The following SCLT1 variants were observed in gnomAD, a reference collection of about 807,000 sequenced individuals.
The protein encoded by SCLT1 is sodium channel-associated protein 1.
In SCLT1, 78 loss-of-function variants were observed where a neutral mutation model predicts 112.8. The ratio of observed to expected loss-of-function variants is 0.69; its 90% CI spans 0.58 to 0.83. The LOEUF (loss-of-function observed/expected upper bound fraction) is 0.83. Among genes scored for constraint, SCLT1 ranks in the 40% least tolerant of loss-of-function variants. SCLT1 has a pLI of 0.00. For synonymous variants in SCLT1, 257 were observed against 254.7 expected (o/e 1.01, Z -0.09); for missense variants, 747 against 770.4 (o/e 0.97, Z 0.36).
chr4:128,974,561 C>G (rs945246835), intron 9 of SCLT1, among the ~76,000 whole-genome samples: 26 of 152,066 alleles, frequency 1.7e-4, no homozygotes, highest in African/African-American at 6.0e-4. Flanking sequence ...GTGTTCTGGA[C>G]GCTAGATGCT....
intron 18 of SCLT1, among the ~76,000 whole-genome samples, chr4:128,910,232 T>C (rs957904275): frequency 6.6e-6 from 1 of 152,256 alleles, no homozygotes; most frequent in African/African-American, 2.4e-5. Context: ...CTATACTGTA[T>C]GACAACTCCT....
intron 9 of SCLT1, among the ~76,000 whole-genome samples, chr4:128,989,073 A>G (rs1742342589): frequency 6.6e-6 from 1 of 151,952 alleles, no homozygotes; most frequent in Non-Finnish European, 1.5e-5. Context: ...CAGATAATCT[A>G]CATAGAATAC....
intron 18 of SCLT1, among the ~76,000 whole-genome samples, chr4:128,912,002 T>C (rs1056266607): frequency 1.3e-5 from 2 of 152,162 alleles, no homozygotes; most frequent in Non-Finnish European, 2.9e-5. Context: ...TACATCACAA[T>C]AATGCACACA....
chr4:129,017,831 A>C (rs897766954), intron 5 of SCLT1, among the ~76,000 whole-genome samples: 1 of 152,240 alleles, frequency 6.6e-6, no homozygotes, highest in African/African-American at 2.4e-5. Context: ...TCTCTGCATA[A>C]CTTCTTTTCT....
intron 5 of SCLT1, among the ~76,000 whole-genome samples, chr4:129,035,905 T>C (rs1436927910): frequency 1.3e-5 from 2 of 151,900 alleles, no homozygotes; most frequent in Non-Finnish European, 2.9e-5. Flanking sequence ...TTATTTCCTA[T>C]TGTAGTAAAT....
intron 10 of SCLT1, among the ~76,000 whole-genome samples, chr4:128,967,203 C>G (rs1416292105): frequency 2.6e-5 from 4 of 152,186 alleles, no homozygotes; most frequent in African/African-American, 9.7e-5. Context: ...CTTTTTATGG[C>G]TGTGTAGTAT....
chr4:129,083,186 G>GAAAAAAAAAAA (rs10651058), intron 1 of SCLT1, among the ~76,000 whole-genome samples: 8 of 84,462 alleles, frequency 9.5e-5, no homozygotes, highest in Admixed American at 5.8e-4. Flanking sequence ...GTGAGACTCT[G>GAAAAAAAAAAA]AAAAAAAAAA....
At chr4:128,903,839 T>C (rs1734500037) in intron 18 of SCLT1, among the ~76,000 whole-genome samples, 1 of 152,124 alleles carries the variant, frequency 6.6e-6, no homozygotes, top group African/African-American at 2.4e-5. Context: ...TTCGACTCTT[T>C]GTTATCTACA....
Position 128,897,750 on chromosome 4 carries a change from A to C in SCLT1, c.1830-6613T>G, listed in dbSNP as rs187434918. 4.5e-3 allele frequency among the ~76,000 whole-genome samples: 688 copies of C among 152,294 alleles called. 10 individuals are homozygous for C. The highest frequency in any genetic ancestry group is 0.022 in the East Asian group (115 of 5,182). ...GGCAAATTGGATAAAGAGTCAAGAC[A>C]CATCAGTGTGCTGTATTCAGGAAAC... On this transcript the variant is annotated intron_variant, in intron 18 of 20. Coordinates refer to ENST00000281142, the MANE Select transcript of SCLT1 (RefSeq NM_144643.4).
At chr4:129,021,598 G>A (rs926012861) in intron 5 of SCLT1, among the ~76,000 whole-genome samples, 3 of 152,220 alleles carry the variant, frequency 2.0e-5, no homozygotes, top group South Asian at 2.1e-4. Flanking sequence ...CAAAGTGGCT[G>A]TGGCCAGACC....
intron 5 of SCLT1, among the ~76,000 whole-genome samples, chr4:129,031,622 T>C (rs1239477142): frequency 2.0e-5 from 3 of 152,104 alleles, no homozygotes; most frequent in African/African-American, 7.2e-5. Flanking sequence ...AGTCTCAGGA[T>C]ACCAAATTAA....
At chr4:129,081,375 T>C (rs554984540) in intron 2 of SCLT1, among the ~76,000 whole-genome samples, 60 of 152,328 alleles carry the variant, frequency 3.9e-4, no homozygotes, top group African/African-American at 1.4e-3. Context: ...TTTAAACGCT[T>C]ATTCTGTCTC....
chr4:128,879,298 G>C (rs906738108), downstream of SCLT1, among the ~76,000 whole-genome samples: 2 of 152,182 alleles, frequency 1.3e-5, no homozygotes, highest in East Asian at 3.9e-4. Context: ...TTGAAGTCTA[G>C]AATGTGTGAA....
At chr4:129,046,789 G>C (rs1409029844) in intron 2 of SCLT1, among the ~76,000 whole-genome samples, 2 of 152,004 alleles carry the variant, frequency 1.3e-5, no homozygotes, top group African/African-American at 4.8e-5. Context: ...TCTCCCACAG[G>C]CAGTATATGA....
At chr4:129,005,993 A>G (rs2126093376) in intron 5 of SCLT1, among the ~76,000 whole-genome samples, 1 of 130,146 alleles carries the variant, frequency 7.7e-6, no homozygotes, top group East Asian at 2.5e-4. Flanking sequence ...AGGAAGGGGA[A>G]CATCACACTC....
intron 1 of SCLT1, among the ~76,000 whole-genome samples, chr4:129,084,303 T>C (rs1400015056): frequency 6.6e-6 from 1 of 152,134 alleles, no homozygotes; most frequent in African/African-American, 2.4e-5. Context: ...CACAGATACA[T>C]ACTTAAAAAT....
intron 5 of SCLT1, among the ~76,000 whole-genome samples, chr4:129,032,488 T>G (rs977582653): frequency 6.6e-6 from 1 of 151,656 alleles, no homozygotes; most frequent in Non-Finnish European, 1.5e-5. Context: ...AATTGACAAA[T>G]GGGATCGAAT....
Position 129,028,473 on chromosome 4 carries a change from T to C in SCLT1, c.290+10568A>G, listed in dbSNP as rs561371828. On this transcript the variant is annotated intron_variant, in intron 5 of 20. Coordinates refer to ENST00000281142, the MANE Select transcript of SCLT1 (RefSeq NM_144643.4). ...TGGTGCTGGGAAAACTGGCTAGCCG[T>C]ATGTAGAAAGCTGAAACTGGATCCC... 2.5e-3 allele frequency among the ~76,000 whole-genome samples: 388 copies of C among 152,276 alleles called. 2 individuals are homozygous for C. The highest frequency in any genetic ancestry group is 4.6e-3 in the Admixed American group (71 of 15,308).
chr4:128,996,833 T>A (rs189312446), intron 8 of SCLT1, among the ~76,000 whole-genome samples: 1 of 152,124 alleles, frequency 6.6e-6, no homozygotes, highest in African/African-American at 2.4e-5. Flanking sequence ...AACATCCTTT[T>A]CCCATGACTT....
Sources: gnomAD v4.1 joint callset for allele counts (sites outside exome capture counted in the v4.1 genomes callset) on GRCh38, gnomAD v4.1.1 for gene constraint, MANE v1.5 for transcripts, NCBI Gene and HGNC (gene_info 2026-07-23, HGNC 2026-07-21) for gene names.